The following GPATCH2 variants were observed in gnomAD, a reference collection of about 807,000 sequenced individuals.
The protein encoded by GPATCH2 is G patch domain-containing protein 2.
GPATCH2 carries 51 observed loss-of-function variants against 58.0 expected under a neutral mutation model. That is an observed-to-expected ratio of 0.88 (90% CI 0.70 to 1.11). The LOEUF (loss-of-function observed/expected upper bound fraction) is 1.11. Ranked by LOEUF, GPATCH2 falls within the 50% of genes most tolerant of loss-of-function variation. The probability of loss-of-function intolerance (pLI) is 0.00; values close to 1 mark genes in which losing one functional copy is unlikely to be tolerated. For synonymous variants in GPATCH2, 222 were observed against 218.5 expected (o/e 1.02, Z -0.14); for missense variants, 625 against 652.2 (o/e 0.96, Z 0.45).
At chr1:217,604,847 G>A (rs931345033) in intron 5 of GPATCH2, among the ~76,000 whole-genome samples, 15 of 152,032 alleles carry the variant, frequency 9.9e-5, no homozygotes, top group African/African-American at 2.9e-4. Flanking sequence ...CCAACATGGC[G>A]AAATCCTGGC....
chr1:217,540,810 A>G (rs1021514183), intron 5 of GPATCH2, among the ~76,000 whole-genome samples: 1 of 152,250 alleles, frequency 6.6e-6, no homozygotes, highest in African/African-American at 2.4e-5. Flanking sequence ...GGTGAAAAGA[A>G]TAACAGCTTC....
At chr1:217,495,930 GGAGT>G (rs1386637669) in intron 7 of GPATCH2, among the ~76,000 whole-genome samples, 1 of 152,154 alleles carries the variant, frequency 6.6e-6, no homozygotes, top group Non-Finnish European at 1.5e-5. Flanking sequence ...GATGGAGAAA[GGAGT>G]GAGAGATGGG....
chr1:217,495,444 C>T (rs532394041), intron 7 of GPATCH2, among the ~76,000 whole-genome samples: 1 of 152,288 alleles, frequency 6.6e-6, no homozygotes, highest in South Asian at 2.1e-4. Flanking sequence ...TCTTCACACT[C>T]AACAGTGTCC....
At chr1:217,524,260 CG>C (rs1433771490) in intron 5 of GPATCH2, among the ~76,000 whole-genome samples, 4 of 133,126 alleles carry the variant, frequency 3.0e-5, no homozygotes, top group Admixed American at 2.2e-4. Flanking sequence ...ACTTCTCAGA[CG>C]GGGCGGCCGG....
chr1:217,524,102 C>T (rs370032096), intron 5 of GPATCH2, among the ~76,000 whole-genome samples: 2,267 of 150,612 alleles, frequency 0.015, 37 homozygotes, highest in Middle Eastern at 0.032. Context: ...CCCTCCCAGA[C>T]GGGGTGGCTG....
At chr1:217,520,419 T>C (rs1645479669) in intron 5 of GPATCH2, among the ~76,000 whole-genome samples, 1 of 152,206 alleles carries the variant, frequency 6.6e-6, no homozygotes, top group African/African-American at 2.4e-5. Flanking sequence ...TAAAATCTAA[T>C]AACGGTACAA....
At chr1:217,559,118 C>T (rs909790462) in intron 5 of GPATCH2, among the ~76,000 whole-genome samples, 6 of 152,100 alleles carry the variant, frequency 3.9e-5, no homozygotes, top group African/African-American at 1.2e-4. Context: ...ACCAAATCTT[C>T]TCGGATGTTA....
intron 8 of GPATCH2, among the ~76,000 whole-genome samples, chr1:217,458,179 G>A (rs983332630): frequency 6.6e-6 from 1 of 152,262 alleles, no homozygotes; most frequent in East Asian, 1.9e-4. Context: ...GCAGTGAGCC[G>A]AGATCGCGCC....
At position 217,592,681 on chromosome 1, in the gene GPATCH2, T is replaced by C. The variant is rs538755437; in HGVS notation, c.1098+17640A>G. Among the ~76,000 whole-genome samples the C allele has an allele frequency of 1.4e-4, 21 of 152,032 alleles. 1 individual carries two copies. The East Asian group carries it at 3.7e-3, about 27-fold the overall frequency. On this transcript the variant is annotated intron_variant, in intron 5 of 9. Coordinates refer to ENST00000366935, the MANE Select transcript of GPATCH2 (RefSeq NM_018040.5). ...GATTTCAATCACTTAGGGTACATTA[T>C]AAAAACAACCTGAACATGTATATTT...
At chr1:217,488,182 G>T (rs1164041433) in intron 8 of GPATCH2, among the ~76,000 whole-genome samples, 1 of 152,124 alleles carries the variant, frequency 6.6e-6, no homozygotes, top group Non-Finnish European at 1.5e-5. Context: ...GATTAATTTT[G>T]TAAGTGTTGT....
intron 5 of GPATCH2, among the ~76,000 whole-genome samples, chr1:217,581,165 G>T (rs1193840627): frequency 1.3e-5 from 2 of 152,184 alleles, no homozygotes; most frequent in Non-Finnish European, 2.9e-5. Context: ...TACACTTGGT[G>T]GAAAGGATTT....
At chr1:217,498,834 C>G (rs1005057906) in intron 6 of GPATCH2, 1 of 229,366 alleles carries the variant, frequency 4.4e-6, no homozygotes, top group African/African-American at 2.4e-5. Flanking sequence ...CCCCCAGGAG[C>G]AATACACAAA....
intron 8 of GPATCH2, among the ~76,000 whole-genome samples, chr1:217,453,479 GA>G (rs1420472054): frequency 1.3e-5 from 2 of 152,254 alleles, no homozygotes; most frequent in Non-Finnish European, 2.9e-5. Context: ...TATTACTTCT[GA>G]AAATTTTCCT....
intron 8 of GPATCH2, among the ~76,000 whole-genome samples, chr1:217,463,465 C>G (rs1040064244): frequency 6.6e-6 from 1 of 151,802 alleles, no homozygotes; most frequent in Non-Finnish European, 1.5e-5. Flanking sequence ...GAAGGCCTTG[C>G]TAGCCATGTT....
At chr1:217,541,088 T>C (rs1664715920) in intron 5 of GPATCH2, among the ~76,000 whole-genome samples, 1 of 152,216 alleles carries the variant, frequency 6.6e-6, no homozygotes, top group Non-Finnish European at 1.5e-5. Flanking sequence ...TATATTCATC[T>C]ATAGCTTCTG....
At chr1:217,626,510 T>G (rs1424615367) in intron 1 of GPATCH2, among the ~76,000 whole-genome samples, 1 of 152,106 alleles carries the variant, frequency 6.6e-6, no homozygotes, top group African/African-American at 2.4e-5. Context: ...TGACTAAACA[T>G]GCAAATGGTG....
chr1:217,608,701 C>A (rs778353803), intron 5 of GPATCH2: 20 of 984,114 alleles, frequency 2.0e-5, no homozygotes, highest in Non-Finnish European at 2.4e-5. Context: ...TTATTCAGAT[C>A]TAAAAGACAG....
At chr1:217,605,458 T>A (rs1163495524) in intron 5 of GPATCH2, among the ~76,000 whole-genome samples, 1 of 152,298 alleles carries the variant, frequency 6.6e-6, no homozygotes, top group Admixed American at 6.5e-5. Context: ...CCAGCACCAA[T>A]GTATTCTTAT....
intron 5 of GPATCH2, among the ~76,000 whole-genome samples, chr1:217,519,525 C>A (rs1408095124): frequency 6.6e-6 from 1 of 152,118 alleles, no homozygotes; most frequent in East Asian, 1.9e-4. Context: ...AATAAAAAAT[C>A]ACCTCTAAGA....
Sources: allele counts gnomAD v4.1 joint callset (sites outside exome capture counted in the v4.1 genomes callset), GRCh38; gene constraint gnomAD v4.1.1; transcripts MANE v1.5; gene names NCBI Gene and HGNC (gene_info 2026-07-23, HGNC 2026-07-21).